The following GRM8 variants were observed in gnomAD, a reference collection of about 807,000 sequenced individuals.
GRM8 encodes metabotropic glutamate receptor 8.
In GRM8, 47 loss-of-function variants were observed where a neutral mutation model predicts 87.2. That is an observed-to-expected ratio of 0.54 (90% CI 0.43 to 0.69). The LOEUF (loss-of-function observed/expected upper bound fraction) is 0.69. GRM8 is among the 30% of genes least tolerant of loss of function. The probability of loss-of-function intolerance (pLI) is 0.00; values close to 1 mark genes in which losing one functional copy is unlikely to be tolerated. For synonymous variants in GRM8, 396 were observed against 404.5 expected, an observed-to-expected ratio of 0.98 and a Z score of 0.25; for missense variants, 1,019 against 1,139.2, an observed-to-expected ratio of 0.89 and a Z score of 1.52.
chr7:126,854,769 C>A (rs1383713565), intron 6 of GRM8, among the ~76,000 whole-genome samples: 1 of 152,146 alleles, frequency 6.6e-6, no homozygotes, highest in African/African-American at 2.4e-5. Context: ...CCTTGCATTA[C>A]AATTAATTTG....
intron 7 of GRM8, among the ~76,000 whole-genome samples, chr7:126,729,423 G>A (rs1813360096): frequency 6.6e-6 from 1 of 152,150 alleles, no homozygotes; most frequent in South Asian, 2.1e-4. Flanking sequence ...CCCTTGGGTG[G>A]AAAAATTAAG....
intron 3 of GRM8, among the ~76,000 whole-genome samples, chr7:126,984,331 CT>C (rs1216234912): frequency 4.6e-5 from 7 of 152,272 alleles, no homozygotes; most frequent in Non-Finnish European, 1.0e-4. Flanking sequence ...AGTATGGATC[CT>C]GGGTGTGTCT....
At chr7:126,578,152 C>T (rs1795275675) in intron 8 of GRM8, among the ~76,000 whole-genome samples, 1 of 152,088 alleles carries the variant, frequency 6.6e-6, no homozygotes, top group Admixed American at 6.6e-5. Context: ...ATATAAAAAG[C>T]AATACCCATC....
chr7:126,720,324 T>C (rs1366976706), intron 7 of GRM8, among the ~76,000 whole-genome samples: 1 of 151,964 alleles, frequency 6.6e-6, no homozygotes, highest in Admixed American at 6.6e-5. Flanking sequence ...TAAATTTTTT[T>C]TTGTAGAGAC....
At chr7:126,576,124 G>C (rs1415410191) in intron 8 of GRM8, among the ~76,000 whole-genome samples, 1 of 152,122 alleles carries the variant, frequency 6.6e-6, no homozygotes, top group Non-Finnish European at 1.5e-5. Flanking sequence ...ACAGGGCCCA[G>C]CATTATGTAA....
chr7:126,721,372 G>A (rs1212356246), intron 7 of GRM8, among the ~76,000 whole-genome samples: 1 of 152,062 alleles, frequency 6.6e-6, no homozygotes, highest in Non-Finnish European at 1.5e-5. Flanking sequence ...AATATAATGA[G>A]GTTATAAAGA....
chr7:126,456,519 T>TAAAAAAAA lies in GRM8; in HGVS notation c.2431-10155_2431-10148dup, dbSNP rs513. ...TCCTAAGTGTAAGAAAGCAGCAAGC[T>TAAAAAAAA]AAAAAAAAAAAAAAAAAAAAAAAAA... On this transcript the variant is annotated intron_variant, in intron 9 of 10. Transcript: ENST00000339582. 8.5e-3 allele frequency among the ~76,000 whole-genome samples: 589 copies of TAAAAAAAA among 69,472 alleles called. 28 individuals are homozygous for TAAAAAAAA. The highest frequency in any genetic ancestry group is 0.016 in the African/African-American group (194 of 12,010). 45.6% of individuals were successfully genotyped at this position (69,472 alleles called of 152,430 possible).
intron 8 of GRM8, among the ~76,000 whole-genome samples, chr7:126,576,105 C>T (rs1795094519): frequency 6.6e-6 from 1 of 151,998 alleles, no homozygotes; most frequent in Non-Finnish European, 1.5e-5. Context: ...AAGTCAATGC[C>T]CCATGTAGAC....
rs536779828 is a variant in GRM8 at position 127,172,678 on chromosome 7, C to T, written c.511-65966G>A. ...AGCCGAGATCATGCCATTAGCACTC[C>T]AGGCTGGGTGACAGTGCGAGACTCC... On this transcript the variant is annotated intron_variant, in intron 2 of 10. Coordinates refer to ENST00000339582, the MANE Select transcript of GRM8 (RefSeq NM_000845.3). Among the ~76,000 whole-genome samples, 30 of 150,556 alleles carry T rather than the reference C, an allele frequency of 2.0e-4. No individual in the cohort carries two copies. In the South Asian group the frequency reaches 3.6e-3, roughly 18 times the overall value.
chr7:126,781,778 T>C (rs1021621590), intron 6 of GRM8, among the ~76,000 whole-genome samples: 13 of 152,172 alleles, frequency 8.5e-5, no homozygotes, highest in African/African-American at 2.9e-4. Context: ...TGCAGTGGTG[T>C]GATCAAGGCT....
At chr7:126,855,352 ACTGTTAATCTCATT>A (rs1797577762) in intron 6 of GRM8, among the ~76,000 whole-genome samples, 1 of 152,178 alleles carries the variant, frequency 6.6e-6, no homozygotes, top group Non-Finnish European at 1.5e-5. Flanking sequence ...GAAGATACAT[ACTGTTAATCTCATT>A]CTACAGATGA....
chr7:126,641,396 C>T (rs886628650), intron 7 of GRM8, among the ~76,000 whole-genome samples: 15 of 152,142 alleles, frequency 9.9e-5, no homozygotes, highest in Non-Finnish European at 2.1e-4. Context: ...GCGTCAGTGA[C>T]TTCAAGAAGC....
rs1227257765 is a variant in GRM8 at position 127,023,211 on chromosome 7, A to C, written c.727+83285T>G. ...TCTTTATTTAGAAGAAAATTTAAAC[A>C]ATTATAAAACGTTGTTTATTCATCC... On this transcript the variant is annotated intron_variant, in intron 3 of 10. Transcript: ENST00000339582. Among the ~76,000 whole-genome samples the C allele has an allele frequency of 2.6e-5, 4 of 152,110 alleles. No individual in the cohort carries two copies. In the East Asian group the frequency reaches 7.7e-4, roughly 29 times the overall value.
chr7:127,134,012 G>C (rs1382256836), intron 2 of GRM8, among the ~76,000 whole-genome samples: 1 of 152,128 alleles, frequency 6.6e-6, no homozygotes, highest in Non-Finnish European at 1.5e-5. Context: ...ATCTCTGTGA[G>C]TTCGGTATTA....
chr7:126,629,741 C>G (rs1250768778), intron 7 of GRM8, among the ~76,000 whole-genome samples: 1 of 152,086 alleles, frequency 6.6e-6, no homozygotes, highest in African/African-American at 2.4e-5. Context: ...GAATATTAGG[C>G]CACTGTGATA....
chr7:126,710,800 A>AT (rs1811020323), intron 7 of GRM8, among the ~76,000 whole-genome samples: 1 of 152,130 alleles, frequency 6.6e-6, no homozygotes. Flanking sequence ...AGAATGGTGA[A>AT]TTTTTTTCAG....
At chr7:126,735,464 T>C (rs574962993) in intron 7 of GRM8, among the ~76,000 whole-genome samples, 48 of 152,026 alleles carry the variant, frequency 3.2e-4, no homozygotes, top group Non-Finnish European at 6.6e-4. Flanking sequence ...TGTGGGAAGA[T>C]AGATAAATTG....
At chr7:126,894,462 G>A (rs1801350745) in intron 6 of GRM8, among the ~76,000 whole-genome samples, 1 of 151,934 alleles carries the variant, frequency 6.6e-6, no homozygotes, top group South Asian at 2.1e-4. Flanking sequence ...GGATTTCCTA[G>A]ACTCCTGAAT....
chr7:126,828,364 C>T (rs1236397098), intron 6 of GRM8, among the ~76,000 whole-genome samples: 1 of 152,016 alleles, frequency 6.6e-6, no homozygotes, highest in Non-Finnish European at 1.5e-5. Flanking sequence ...GGTTGGTAAG[C>T]TATTGATTAT....
Sources: allele counts gnomAD v4.1 joint callset (sites outside exome capture counted in the v4.1 genomes callset), GRCh38; gene constraint gnomAD v4.1.1; transcripts MANE v1.5; gene names NCBI Gene and HGNC (gene_info 2026-07-23, HGNC 2026-07-21).